Variants in EPC1 observed in about 807,000 individuals in gnomAD.
EPC1 encodes enhancer of polycomb 1.
Under a neutral mutation model 98.4 loss-of-function variants are expected in EPC1, and 12 were observed. The observed-to-expected ratio is 0.12, with a 90% CI of 0.08 to 0.20. The LOEUF is 0.20. Ranked by LOEUF, EPC1 falls within the 10% of genes least tolerant of loss-of-function variation. EPC1 has a pLI of 1.00. For synonymous variants in EPC1, 357 were observed against 363.9 expected (o/e 0.98, Z 0.21); for missense variants, 729 against 990.5 (o/e 0.74, Z 3.54).
chr10:32,375,071 T>C (rs1839844006), intron 1 of EPC1, among the ~76,000 whole-genome samples: 1 of 152,150 alleles, frequency 6.6e-6, no homozygotes, highest in African/African-American at 2.4e-5. Flanking sequence ...CCTCTTGTTT[T>C]CTTTTGCAAA....
chr10:32,288,422 C>T (rs928095597), intron 6 of EPC1, among the ~76,000 whole-genome samples: 1 of 147,232 alleles, frequency 6.8e-6, no homozygotes. Context: ...TCAAGTGATT[C>T]TCCTGCCTCA....
At chr10:32,303,339 C>G (rs1402617649) in intron 2 of EPC1, among the ~76,000 whole-genome samples, 1 of 151,886 alleles carries the variant, frequency 6.6e-6, no homozygotes, top group African/African-American at 2.4e-5. Flanking sequence ...CTCATGTTCT[C>G]AAAAAAACTT....
intron 6 of EPC1, 85 bp downstream of exon 6, chr10:32,291,078 A>G: frequency 2.3e-6 from 3 of 1,282,740 alleles, no homozygotes; most frequent in Admixed American, 3.9e-5. Flanking sequence ...TGCCCGGCCT[A>G]TGTGTGTTTT....
intron 1 of EPC1, among the ~76,000 whole-genome samples, chr10:32,344,432 C>CAG (rs1491503510): frequency 1.4e-5 from 2 of 142,642 alleles, no homozygotes; most frequent in African/African-American, 3.1e-5. Flanking sequence ...AAAAAAATCC[C>CAG]TGTGTTTCAA....
rs55769539 is a variant in EPC1, at chr10:32,365,819, C to CAAAAAA, written c.3+12666_3+12671dup. Among the ~76,000 whole-genome samples, 11 of 38,428 alleles carry CAAAAAA rather than the reference C, an allele frequency of 2.9e-4. 1 individual carries two copies. Among genetic ancestry groups the CAAAAAA allele is most frequent in the African/African-American group, 1.5e-3 (11 of 7,370 alleles). 25.2% of individuals were successfully genotyped at this position (38,428 alleles called of 152,430 possible). A position where few individuals can be genotyped will look rare whatever the true frequency, so the allele number is the denominator to read the frequency against. On this transcript the variant is annotated intron_variant, in intron 1 of 13. Transcript: ENST00000375110. ...GGGCAACAGAGAGAGCTCCGTCTCA[C>CAAAAAA]AAAAAAAAAAAAAAAAAAAAAAAAA...
chr10:32,369,809 A>G (rs937942043), intron 1 of EPC1, among the ~76,000 whole-genome samples: 3 of 152,204 alleles, frequency 2.0e-5, no homozygotes, highest in Non-Finnish European at 4.4e-5. Context: ...TTAGAAGTTA[A>G]ATTATTAGAT....
chr10:32,289,344 T>TG (rs1377714907), intron 6 of EPC1, among the ~76,000 whole-genome samples: 4 of 103,662 alleles, frequency 3.9e-5, no homozygotes, highest in Non-Finnish European at 5.7e-5. Context: ...GTTAACAAAG[T>TG]GGGAAAAAAA....
intron 1 of EPC1, among the ~76,000 whole-genome samples, chr10:32,320,520 A>G (rs1439409862): frequency 6.6e-6 from 1 of 152,230 alleles, no homozygotes; most frequent in African/African-American, 2.4e-5. Context: ...ATCCTCACAG[A>G]TTTTATGTAT....
chr10:32,345,066 T>C, intron 1 of EPC1: 2 of 839,206 alleles, frequency 2.4e-6, no homozygotes, highest in South Asian at 5.5e-5. Flanking sequence ...TTGAAAGTAT[T>C]ATCTGTAAAA....
At chr10:32,284,666 A>G in intron 10 of EPC1, 32 bp downstream of exon 10, 1 of 1,532,966 alleles carries the variant, frequency 6.5e-7, no homozygotes, top group Non-Finnish European at 8.9e-7. Context: ...TGACATTTCT[A>G]TAGAAACGTA....
At chr10:32,327,413 C>T (rs1040136837) in intron 1 of EPC1, among the ~76,000 whole-genome samples, 1 of 152,068 alleles carries the variant, frequency 6.6e-6, no homozygotes, top group African/African-American at 2.4e-5. Context: ...TTGCTAACGA[C>T]AGCACATTAT....
intron 10 of EPC1, 130 bp downstream of exon 10, chr10:32,284,568 A>AT (rs199666072): frequency 1.8e-3 from 1,203 of 662,600 alleles, no homozygotes; most frequent in South Asian, 2.9e-3. Context: ...TTAGACCAAG[A>AT]TTTTTTTTTT....
At chr10:32,271,371 A>G (rs941597498) in intron 13 of EPC1, among the ~76,000 whole-genome samples, 183 bp downstream of exon 13, 2 of 152,196 alleles carry the variant, frequency 1.3e-5, no homozygotes, top group Admixed American at 6.5e-5. Flanking sequence ...AATTCTTAAT[A>G]TTGAATTAAG....
In EPC1 at chr10:32,346,828, C is replaced by T; in HGVS notation, c.88G>A (p.Glu30Lys). The T allele has an allele frequency of 6.2e-7, 1 of 1,614,184 alleles. No individual in the cohort carries two copies. Among genetic ancestry groups the T allele is most frequent in the Non-Finnish European group, 8.5e-7 (1 of 1,180,020 alleles). The part of the protein sequence containing the change: ...FRCEDLPDLH[E>K]YASINRAVPQ... ...ACGGCCCTGTTTATCGAGGCGTATT[C>T]GTGCAGGTCGGGCAGATCCTCACAG... The change falls in exon 1 of 14, where the codon GAA becomes AAA. Residue 30 changes from glutamate to lysine, a missense_variant. Glu to Lys is a moderately conservative substitution (Grantham distance 56). Transcript: ENST00000319778.
chr10:32,281,418 T>C (rs1958075821), intron 10 of EPC1, among the ~76,000 whole-genome samples: 1 of 152,194 alleles, frequency 6.6e-6, no homozygotes, highest in Non-Finnish European at 1.5e-5. Flanking sequence ...GTTTCTTTGG[T>C]TAAGTGCCAG....
At chr10:32,311,504 G>T (rs1231055271) in intron 1 of EPC1, among the ~76,000 whole-genome samples, 3 of 151,370 alleles carry the variant, frequency 2.0e-5, no homozygotes, top group East Asian at 3.9e-4. Context: ...AACAAATATG[G>T]TTAGGTTCTT....
At chr10:32,337,466 C>T (rs1367778697) in intron 1 of EPC1, among the ~76,000 whole-genome samples, 1 of 152,136 alleles carries the variant, frequency 6.6e-6, no homozygotes, top group African/African-American at 2.4e-5. Context: ...CTGTGCAGCC[C>T]TGGTACTCTG....
chr10:32,310,446 G>T (rs891723792), intron 1 of EPC1, among the ~76,000 whole-genome samples: 23 of 152,166 alleles, frequency 1.5e-4, no homozygotes, highest in African/African-American at 5.6e-4. Context: ...TAGAGAAGCT[G>T]AAGATTTTCA....
At chr10:32,347,249 C>G (rs1838909188), upstream of EPC1, 2 of 1,174,950 alleles carry the variant, frequency 1.7e-6, no homozygotes, top group African/African-American at 1.6e-5. Flanking sequence ...GGCTCGAGGC[C>G]GGCGCCGGCA....
Sources: allele counts gnomAD v4.1 joint callset (sites outside exome capture counted in the v4.1 genomes callset), GRCh38; gene constraint gnomAD v4.1.1; transcripts MANE v1.5; gene names NCBI Gene and HGNC (gene_info 2026-07-23, HGNC 2026-07-21).